MROH6: variants seen among roughly 807,000 people sequenced by gnomAD.
MROH6 encodes maestro heat like repeat family member 6.
MROH6 carries 62 observed loss-of-function variants against 67.7 expected under a neutral mutation model. The observed-to-expected ratio is 0.92, with a 90% CI of 0.75 to 1.13. MROH6 has a LOEUF of 1.13. Ranked by LOEUF, MROH6 falls within the 50% of genes most tolerant of loss-of-function variation. The pLI is 0.00. For synonymous variants in MROH6, 566 were observed against 470.8 expected (o/e 1.20, Z -2.62); for missense variants, 1,175 against 1,029.1 (o/e 1.14, Z -1.94).
In MROH6 at chr8:143,566,651, C is replaced by T. The variant is rs1043651399; in HGVS notation, c.*588G>A. 6.6e-6 allele frequency: 1 copy of T among 152,266 alleles called. No individual in the cohort carries two copies. The highest frequency in any genetic ancestry group is 1.5e-5 in the Non-Finnish European group (1 of 68,120). 9.4% of individuals were successfully genotyped at this position (152,266 alleles called of 1,614,324 possible). A position where few individuals can be genotyped will look rare whatever the true frequency, so the allele number is the denominator to read the frequency against. ...CTTGGGAGGACGCCGGGGCCAGCTTCTGGAGAAGGCCAGGCTCCCATGAGG... is the reference window on the plus strand; with the variant it reads ...CTTGGGAGGACGCCGGGGCCAGCTTTTGGAGAAGGCCAGGCTCCCATGAGG... On this transcript the variant is annotated 3_prime_UTR_variant, in exon 14 of 14. Coordinates refer to ENST00000398882, the MANE Select transcript of MROH6 (RefSeq NM_001100878.2).
intron 4 of MROH6, 67 bp from the exon 5 acceptor site, chr8:143,570,724 G>T: frequency 6.6e-7 from 1 of 1,513,262 alleles, no homozygotes; most frequent in Non-Finnish European, 8.9e-7. Context: ...CAGAGGGACA[G>T]GCGTGCTGTC....
rs1349303806 is a variant in MROH6, at chr8:143,568,585, CAGCAGCAGCGGCACG to C, written c.1596_1610del (p.Val533_Leu537del). 1.9e-6 allele frequency: 3 copies of C among 1,547,976 alleles called. No homozygotes were observed. In the East Asian group the frequency reaches 7.1e-5, roughly 37 times the overall value. On this transcript the variant is annotated inframe_deletion, in exon 10 of 14. Coordinates refer to ENST00000398882, the MANE Select transcript of MROH6 (RefSeq NM_001100878.2). ...CGTCCCTGCTGGGGTCATGCAGGCG[CAGCAGCAGCGGCACG>C]AGACTCTGCAGCACCAGCTTCCGCA...
chr8:143,572,500 C>T lies in MROH6; in HGVS notation c.215G>A (p.Gly72Glu). Residue 72 changes from glycine (G) to glutamate (E), a missense_variant, in exon 1 of 14, where the codon GGG (glycine) becomes GAG (glutamate). Physicochemically the swap from Gly to Glu is moderately conservative, Grantham distance 98 (BLOSUM62 -2). Transcript: ENST00000398882. ...TAPSEAEPGR[G>E]ATVPEAGSEP... The stretch of plus-strand genomic sequence containing the variant: ...GCTGCCAGCTTCAGGGACGGTGGCC[C>T]CACGTCCAGGCTCTGCCTCAGAGGG... The T allele has an allele frequency of 1.2e-6, 2 of 1,604,728 alleles. No individual in the cohort carries two copies. The highest frequency in any genetic ancestry group is 1.7e-6 in the Non-Finnish European group (2 of 1,177,176).
chr8:143,569,465 C>T lies in MROH6; in HGVS notation c.1452G>A (p.Pro484=). 1.4e-6 allele frequency: 2 copies of T among 1,463,172 alleles called. No homozygotes were observed. Among genetic ancestry groups the T allele is most frequent in the East Asian group, 2.8e-5 (1 of 35,540 alleles). 90.6% of individuals were successfully genotyped at this position (1,463,172 alleles called of 1,614,324 possible). A position where few individuals can be genotyped will look rare whatever the true frequency, so the allele number is the denominator to read the frequency against. Residue 484 remains proline (P), a synonymous_variant, in exon 9 of 14, where the codon CCG becomes CCA. Coordinates refer to ENST00000398882, the MANE Select transcript of MROH6 (RefSeq NM_001100878.2). ...PVRLLSAELG[P]RLPPLLDDTR... Reference sequence around the variant, plus strand: ...CGTCGTCCAGTAGCGGAGGGAGGCGCGGTCCCAGCTCCGCGCTCAGGAGCC... The same window carrying T: ...CGTCGTCCAGTAGCGGAGGGAGGCGTGGTCCCAGCTCCGCGCTCAGGAGCC...
At chr8:143,572,388 G>A (rs764596708) in intron 1 of MROH6, 33 bp downstream of exon 1, 8 of 1,522,088 alleles carry the variant, frequency 5.3e-6, no homozygotes, top group South Asian at 5.1e-5. Flanking sequence ...CCCCCAGGCC[G>A]GTTCGCACAA....
At chr8:143,570,176 C>A in intron 6 of MROH6, 67 bp downstream of exon 6, 1 of 1,559,298 alleles carries the variant, frequency 6.4e-7, no homozygotes, top group Middle Eastern at 1.7e-4. Flanking sequence ...TCCCCCTGCC[C>A]AGCACCTGGC....
intron 3 of MROH6, 108 bp downstream of exon 3, chr8:143,571,559 G>A: frequency 1.4e-6 from 2 of 1,415,004 alleles, no homozygotes; most frequent in Non-Finnish European, 9.5e-7. Context: ...CTGGAATAAG[G>A]AGGCCCTGCC....
Position 143,567,856 on chromosome 8 carries a change from G to T in MROH6, c.1797C>A (p.Phe599Leu). The T allele has an allele frequency of 6.5e-7, 1 of 1,530,122 alleles. No individual in the cohort carries two copies. The highest frequency in any genetic ancestry group is 1.3e-5 in the South Asian group (1 of 77,310). The allele number at this position is 1,530,122 out of a possible 1,614,324, so 94.8% of individuals were successfully genotyped here. A position where few individuals can be genotyped will look rare whatever the true frequency, so the allele number is the denominator to read the frequency against. Residue 599 changes from phenylalanine (F) to leucine (L), a missense_variant, in exon 12 of 14, where the codon TTC (phenylalanine) becomes TTA (leucine). Coordinates refer to ENST00000398882, the MANE Select transcript of MROH6 (RefSeq NM_001100878.2). Reference protein sequence around the residue: ...VQRYPGHVPNFLSQTQGYLRS... With the variant: ...VQRYPGHVPNLLSQTQGYLRS... Reference sequence around the variant, plus strand: ...GCAGGTAGCCCTGGGTCTGGCTCAGGAAGTTGGGCACGTGGCCTGGGTATC... The same window carrying T: ...GCAGGTAGCCCTGGGTCTGGCTCAGTAAGTTGGGCACGTGGCCTGGGTATC...
At chr8:143,568,355 G>T in intron 10 of MROH6, 94 bp from the exon 11 acceptor site, 1 of 1,494,202 alleles carries the variant, frequency 6.7e-7, no homozygotes, top group Non-Finnish European at 9.0e-7. Context: ...TCGGGTGAGG[G>T]GCAGAAGAGC....
In MROH6 at chr8:143,572,042, CA is replaced by C. The variant is rs781722365; in HGVS notation, c.437del (p.Leu146TrpfsTer19). On this transcript the variant is annotated frameshift_variant, in exon 2 of 14. Coordinates refer to ENST00000398882, the MANE Select transcript of MROH6 (RefSeq NM_001100878.2). LOFTEE classifies it high-confidence loss of function. ...SSALEARGER[L>X]EDQVHALVRG... is the part of the protein sequence containing the mutation. The stretch of plus-strand genomic sequence containing the variant: ...GTGGGTGAAGGCTGACCTGGTCCTC[CA>C]ACCGCTCGCCCCGGGCCTCCAGGGC... 19 of 1,611,250 alleles carry C rather than the reference CA, an allele frequency of 1.2e-5. No homozygotes were observed. The highest frequency in any genetic ancestry group is 1.6e-5 in the Non-Finnish European group (19 of 1,179,078).
chr8:143,571,611 G>A (rs1186543944), intron 3 of MROH6, 56 bp downstream of exon 3: 2 of 1,544,540 alleles, frequency 1.3e-6, no homozygotes, highest in Non-Finnish European at 1.7e-6. Flanking sequence ...CCACCGCCAA[G>A]CGGGAAGAGG....
rs767136284 is a variant in MROH6, at chr8:143,569,937, G to C, written c.1158+14C>G. 1.2e-6 allele frequency: 2 copies of C among 1,612,556 alleles called. No homozygotes were observed. Among genetic ancestry groups the C allele is most frequent in the Non-Finnish European group, 1.7e-6 (2 of 1,179,252 alleles). ...AGGGTCACCCTTCACCACCCATCCG[G>C]GAAGCAGGCTCACCCCTGTGAAGAA... On this transcript the variant is annotated intron_variant, in intron 7 of 13. Coordinates refer to ENST00000398882, the MANE Select transcript of MROH6 (RefSeq NM_001100878.2).
At position 143,569,972 on chromosome 8, in the gene MROH6, C is replaced by G. The variant is rs368637582; in HGVS notation, c.1137G>C (p.Thr379=). 1.2e-6 allele frequency: 2 copies of G among 1,608,458 alleles called. No homozygotes were observed. The highest frequency in any genetic ancestry group is 3.3e-5 in the Admixed American group (2 of 59,828). ...LRSADDPQRL[T]AMAFFTGLLQ... ...TCACCCCTGTGAAGAAGGCCATAGC[C>G]GTGAGACGCTGCGGGTCGTCCGCGC... is the stretch of plus-strand genomic sequence containing the variant. The change falls in exon 7 of 14, where the codon ACG becomes ACC. Residue 379 remains threonine (T), a synonymous_variant. Transcript: ENST00000398882.
At chr8:143,570,754 C>G (rs901332112) in intron 4 of MROH6, 97 bp from the exon 5 acceptor site, 10 of 1,443,172 alleles carry the variant, frequency 6.9e-6, no homozygotes, top group African/African-American at 2.8e-5. Flanking sequence ...GGGACAGCCT[C>G]AGACACGCAT....
intron 12 of MROH6, 38 bp from the exon 13 acceptor site, chr8:143,567,714 C>A (rs1290133899): frequency 1.3e-6 from 2 of 1,573,126 alleles, no homozygotes; most frequent in Non-Finnish European, 1.7e-6. Context: ...GGCCCCACAG[C>A]CCCCCAGGGG....
At position 143,567,275 on chromosome 8, in the gene MROH6, C is replaced by T. The variant is rs964529983; in HGVS notation, c.2124G>A (p.Ala708=). ...ADSPFQRRSV[A]GRWGCSGPRR... ...GGGGTCCGGAGCAGCCCCAGCGGCC[C>T]GCGACGCTCCGGCGCTGGAAGGGGC... The change falls in exon 14 of 14, where the codon GCG becomes GCA. Residue 708 remains alanine, a synonymous_variant. Transcript: ENST00000398882. The T allele has an allele frequency of 7.4e-6, 9 of 1,222,646 alleles. No individual in the cohort carries two copies. Among genetic ancestry groups the T allele is most frequent in the Admixed American group, 8.5e-5 (2 of 23,394 alleles). The allele number at this position is 1,222,646 out of a possible 1,614,324, so 75.7% of individuals were successfully genotyped here.
Position 143,566,926 on chromosome 8 carries a change from T to A in MROH6, c.*313A>T, listed in dbSNP as rs1823639627. 4.2e-6 allele frequency: 1 copy of A among 237,088 alleles called. No individual in the cohort carries two copies. Among genetic ancestry groups the A allele is most frequent in the African/African-American group, 2.3e-5 (1 of 44,002 alleles). 14.7% of individuals were successfully genotyped at this position (237,088 alleles called of 1,614,324 possible). On this transcript the variant is annotated 3_prime_UTR_variant, in exon 14 of 14. Coordinates refer to ENST00000398882, the MANE Select transcript of MROH6 (RefSeq NM_001100878.2). Reference sequence around the variant, plus strand: ...GGGCAGGCTATGGGACCACCAACTTTGGGGTCCCCCAGCAGACTCAAGAGG... The same window carrying A: ...GGGCAGGCTATGGGACCACCAACTTAGGGGTCCCCCAGCAGACTCAAGAGG...
chr8:143,568,310 C>A, intron 10 of MROH6, 49 bp from the exon 11 acceptor site: 2 of 1,560,218 alleles, frequency 1.3e-6, no homozygotes, highest in Non-Finnish European at 1.7e-6. Context: ...AGTAGAAAGG[C>A]AAAAGGTGGG....
intron 11 of MROH6, 76 bp from the exon 12 acceptor site, chr8:143,567,964 G>A: frequency 6.9e-7 from 1 of 1,456,140 alleles, no homozygotes; most frequent in Non-Finnish European, 9.2e-7. Flanking sequence ...CTGAATCCAG[G>A]GGCCGGGGTT....
Sources: gnomAD v4.1 joint callset for allele counts on GRCh38, gnomAD v4.1.1 for gene constraint, MANE v1.5 for transcripts, NCBI Gene and HGNC (gene_info 2026-07-23, HGNC 2026-07-21) for gene names.